The following AREL1 variants were observed in gnomAD, a reference collection of about 807,000 sequenced individuals.
The protein encoded by AREL1 is apoptosis-resistant E3 ubiquitin protein ligase 1.
In AREL1, 62 loss-of-function variants were observed where a neutral mutation model predicts 99.0. The ratio of observed to expected loss-of-function variants is 0.63; its 90% CI spans 0.51 to 0.77. The LOEUF (loss-of-function observed/expected upper bound fraction) is 0.77, where lower values mean the gene tolerates loss of function less well. Among genes scored for constraint, AREL1 ranks in the 30% least tolerant of loss-of-function variants. The pLI is 0.00. For synonymous variants in AREL1, 380 were observed against 376.5 expected, an observed-to-expected ratio of 1.01 and a Z score of -0.11; for missense variants, 879 against 1,027.6, an observed-to-expected ratio of 0.86 and a Z score of 1.98.
chr14:74,676,156 T>C lies in AREL1; in HGVS notation c.817A>G (p.Ile273Val), dbSNP rs564756614. Reference sequence around the variant, plus strand: ...TTTAACTTACCACTTAGGACAATAATGTCAAATTCACCATTATTGATTGGC... The same window carrying C: ...TTTAACTTACCACTTAGGACAATAACGTCAAATTCACCATTATTGATTGGC... ...NQPINNGEFDIIVLSEDEKNI... is the reference protein window; with the variant it reads ...NQPINNGEFDVIVLSEDEKNI... The change falls in exon 7 of 20, where the codon ATT (isoleucine) becomes GTT (valine). Residue 273 changes from isoleucine to valine, a missense_variant. By Grantham distance (29) the Ile-to-Val change is conservative. Coordinates refer to ENST00000356357, the MANE Select transcript of AREL1 (RefSeq NM_001039479.2). 94 of 1,613,630 alleles carry C rather than the reference T, an allele frequency of 5.8e-5. 1 individual carries two copies. The South Asian group carries it at 8.0e-4, about 14-fold the overall frequency.
chr14:74,694,942 T>C (rs1372514567), intron 1 of AREL1, among the ~76,000 whole-genome samples: 1 of 143,906 alleles, frequency 6.9e-6, no homozygotes, highest in Non-Finnish European at 1.5e-5. Context: ...TGAGCCAAGA[T>C]TGCGCCACTG....
Position 74,661,350 on chromosome 14 carries a change from G to T in AREL1, c.*2370C>A, listed in dbSNP as rs756478557. The T allele has an allele frequency of 7.7e-5, 35 of 456,178 alleles. No individual in the cohort carries two copies. Among genetic ancestry groups the T allele is most frequent in the Non-Finnish European group, 8.8e-6 (2 of 226,728 alleles). The allele number at this position is 456,178 out of a possible 1,614,324, so 28.3% of individuals were successfully genotyped here. A position where few individuals can be genotyped will look rare whatever the true frequency, so the allele number is the denominator to read the frequency against. ...CACCTGGCCTGACGAATCTGCAGCA[G>T]GGCTTGGTCTCTGCCAATTTTCCAG... On this transcript the variant is annotated 3_prime_UTR_variant, in exon 20 of 20. Coordinates refer to ENST00000356357, the MANE Select transcript of AREL1 (RefSeq NM_001039479.2).
At position 74,664,923 on chromosome 14, in the gene AREL1, C is replaced by G. The variant is rs769119100; in HGVS notation, c.2106G>C (p.Leu702=). ...TGATGTCTCCAGTCCCACACATCAG[C>G]AGCTGGAAAAAGATGGTAAGGTGTT... ...LAIFDENELE[L]LMCGTGDISV... The change falls in exon 18 of 20, where the codon CTG becomes CTC. Residue 702 remains leucine (L), a splice_region_variant and synonymous_variant. Transcript: ENST00000356357. 5.6e-6 allele frequency: 9 copies of G among 1,612,858 alleles called. No individual in the cohort carries two copies. The highest frequency in any genetic ancestry group is 7.6e-6 in the Non-Finnish European group (9 of 1,179,180).
intron 1 of AREL1, among the ~76,000 whole-genome samples, chr14:74,702,675 T>C (rs2090108368): frequency 6.6e-6 from 1 of 152,208 alleles, no homozygotes; most frequent in Non-Finnish European, 1.5e-5. Context: ...CCAGTTTGAA[T>C]TTCTCCTCAA....
chr14:74,661,433 A>C lies in AREL1; in HGVS notation c.*2287T>G. On this transcript the variant is annotated 3_prime_UTR_variant, in exon 20 of 20. Transcript: ENST00000356357. ...ATGTCTGGTCTCCTTCAAAGACGCT[A>C]AAAGGCCAGAAGGGTAGCTGGCCCC... The C allele has an allele frequency of 2.5e-6, 1 of 402,030 alleles. No individual in the cohort carries two copies. Among genetic ancestry groups the C allele is most frequent in the Non-Finnish European group, 5.0e-6 (1 of 200,604 alleles). The allele number at this position is 402,030 out of a possible 1,614,324, so 24.9% of individuals were successfully genotyped here. A position where few individuals can be genotyped will look rare whatever the true frequency, so the allele number is the denominator to read the frequency against.
chr14:74,705,016 G>A lies in AREL1; in HGVS notation c.-334+7917C>T, dbSNP rs546448529. 5.9e-5 allele frequency among the ~76,000 whole-genome samples: 9 copies of A among 151,420 alleles called. No homozygotes were observed. The South Asian group carries it at 1.9e-3, about 32-fold the overall frequency. Reference sequence around the variant, plus strand: ...CAAATTCAATGCTGCACATTACCATGCACTATTTAAGTTACAGTCTTCTGT... The same window carrying A: ...CAAATTCAATGCTGCACATTACCATACACTATTTAAGTTACAGTCTTCTGT... On this transcript the variant is annotated intron_variant, in intron 1 of 19. Coordinates refer to ENST00000356357, the MANE Select transcript of AREL1 (RefSeq NM_001039479.2).
chr14:74,677,804 CCTGT>C (rs1378078123), intron 5 of AREL1, among the ~76,000 whole-genome samples: 1 of 149,766 alleles, frequency 6.7e-6, no homozygotes, highest in Non-Finnish European at 1.5e-5. Context: ...CCCAGCTAAC[CCTGT>C]CTCTTTATTA....
rs745645128 is a variant in AREL1 at position 74,670,018 on chromosome 14, T to C, written c.1717A>G (p.Lys573Glu). 1 of 1,613,946 alleles carries C rather than the reference T, an allele frequency of 6.2e-7. No individual in the cohort carries two copies. Among genetic ancestry groups the C allele is most frequent in the Non-Finnish European group, 8.5e-7 (1 of 1,179,960 alleles). ...GTGAAGCGAGCTCGGACCAACTGCT[T>C]GTAGGCTCCTCCTAGAGAGGACTCA... is the stretch of plus-strand genomic sequence containing the variant. ...LYESSLGGAY[K>E]QLVRARFTRS... The change falls in exon 14 of 20, where the codon AAG becomes GAG. Residue 573 changes from lysine to glutamate, a missense_variant. Transcript: ENST00000356357.
rs2089414107 is a variant in AREL1 at position 74,673,906 on chromosome 14, C to T, written c.1158+128G>A. 5.8e-6 allele frequency: 4 copies of T among 688,620 alleles called. No individual in the cohort carries two copies. The East Asian group carries it at 1.1e-4, about 20-fold the overall frequency. The allele number at this position is 688,620 out of a possible 1,614,324, so 42.7% of individuals were successfully genotyped here. A position where few individuals can be genotyped will look rare whatever the true frequency, so the allele number is the denominator to read the frequency against. ...GAGGAGATAATGATGCTTTATTTGG[C>T]AACGAATCCTGTGTACACTGTGAGA... On this transcript the variant is annotated intron_variant, in intron 9 of 19. Coordinates refer to ENST00000356357, the MANE Select transcript of AREL1 (RefSeq NM_001039479.2).
chr14:74,670,023 G>A lies in AREL1; in HGVS notation c.1712C>T (p.Ala571Val), dbSNP rs769634579. Residue 571 changes from alanine (A) to valine (V), a missense_variant, in exon 14 of 20, where the codon GCC becomes GTC. Physicochemically the swap from Ala to Val is moderately conservative, Grantham distance 64. Coordinates refer to ENST00000356357, the MANE Select transcript of AREL1 (RefSeq NM_001039479.2). The part of the protein sequence containing the change: ...KCLYESSLGG[A>V]YKQLVRARFT... ...GCGAGCTCGGACCAACTGCTTGTAG[G>A]CTCCTCCTAGAGAGGACTCATAGAG... 8 of 1,613,962 alleles carry A rather than the reference G, an allele frequency of 5.0e-6. No homozygotes were observed. The African/African-American group carries it at 1.1e-4, about 22-fold the overall frequency.
chr14:74,695,029 A>G lies in AREL1; in HGVS notation c.-333-2701T>C, dbSNP rs200860271. Among the ~76,000 whole-genome samples the G allele has an allele frequency of 8.0e-4, 120 of 150,372 alleles. No homozygotes were observed. The East Asian group carries it at 0.013, about 17-fold the overall frequency. On this transcript the variant is annotated intron_variant, in intron 1 of 19. Coordinates refer to ENST00000356357, the MANE Select transcript of AREL1 (RefSeq NM_001039479.2). Reference sequence around the variant, plus strand: ...AAAAAAGAAAGAAAGAAAATGGTATAAAGAAATTAAGATAACAGATTATAC... The same window carrying G: ...AAAAAAGAAAGAAAGAAAATGGTATGAAGAAATTAAGATAACAGATTATAC...
intron 13 of AREL1, 55 bp from the exon 14 acceptor site, chr14:74,670,181 T>C (rs2089303263): frequency 6.6e-7 from 1 of 1,507,890 alleles, no homozygotes; most frequent in Non-Finnish European, 8.9e-7. Context: ...AGCCCAGTTC[T>C]GGAAGGACCC....
At chr14:74,685,537 G>A in intron 3 of AREL1, 63 bp downstream of exon 3, 1 of 1,588,680 alleles carries the variant, frequency 6.3e-7, no homozygotes, top group Non-Finnish European at 8.6e-7. Context: ...TAGGCAGAAA[G>A]GCAAAAAGGA....
Position 74,676,684 on chromosome 14 carries a change from G to A in AREL1, c.550C>T (p.Pro184Ser), listed in dbSNP as rs1337028461. ...FSTLVLTCGQ[P>S]HTLQIVPRDE... Reference sequence around the variant, plus strand: ...CGGGGTACTATTTGAAGGGTGTGCGGCTGCCCACAGGTCAATACAAGAGTA... The same window carrying A: ...CGGGGTACTATTTGAAGGGTGTGCGACTGCCCACAGGTCAATACAAGAGTA... The change falls in exon 6 of 20, where the codon CCG becomes TCG. Residue 184 changes from proline (P) to serine (S), a missense_variant. Physicochemically the swap from Pro to Ser is moderately conservative, Grantham distance 74. Transcript: ENST00000356357. 6 of 1,614,168 alleles carry A rather than the reference G, an allele frequency of 3.7e-6. No individual in the cohort carries two copies. The highest frequency in any genetic ancestry group is 5.1e-6 in the Non-Finnish European group (6 of 1,180,006).
intron 4 of AREL1, among the ~76,000 whole-genome samples, chr14:74,684,129 G>A (rs1365942523): frequency 6.6e-6 from 1 of 152,202 alleles, no homozygotes; most frequent in Non-Finnish European, 1.5e-5. Flanking sequence ...ATGAATGGGT[G>A]TGGCTGTGTT....
At chr14:74,677,500 CTTTTTTTTT>C (rs58383006) in intron 5 of AREL1, among the ~76,000 whole-genome samples, 1,338 of 63,254 alleles carry the variant, frequency 0.021, 36 homozygotes, top group African/African-American at 0.073. Context: ...TGTCTCTCTC[CTTTTTTTTT>C]TTTTTTTTTT....
rs770401840 is a variant in AREL1, at chr14:74,664,911, C to T, written c.2118G>A (p.Gly706=). Residue 706 remains glycine, a synonymous_variant, in exon 18 of 20, where the codon GGG becomes GGA. Transcript: ENST00000356357. ...DENELELLMC[G]TGDISVSDFK... is the part of the protein sequence containing the mutation. Reference sequence around the variant, plus strand: ...AGTCAGACACACTGATGTCTCCAGTCCCACACATCAGCAGCTGGAAAAAGA... The same window carrying T: ...AGTCAGACACACTGATGTCTCCAGTTCCACACATCAGCAGCTGGAAAAAGA... 1.2e-6 allele frequency: 2 copies of T among 1,613,412 alleles called. No homozygotes were observed. The highest frequency in any genetic ancestry group is 1.7e-6 in the Non-Finnish European group (2 of 1,179,598).
Position 74,669,539 on chromosome 14 carries a change from G to A in AREL1, c.1914+110C>T, listed in dbSNP as rs537829132. The stretch of plus-strand genomic sequence containing the variant: ...TCACCCACATTTTGGGTGTTTAATA[G>A]ACAACACAAATATGGAACATTTCCA... On this transcript the variant is annotated intron_variant, in intron 15 of 19. Coordinates refer to ENST00000356357, the MANE Select transcript of AREL1 (RefSeq NM_001039479.2). 61 of 1,399,014 alleles carry A rather than the reference G, an allele frequency of 4.4e-5. No homozygotes were observed. The South Asian group carries it at 7.8e-4, about 18-fold the overall frequency. 86.7% of individuals were successfully genotyped at this position (1,399,014 alleles called of 1,614,324 possible).
chr14:74,711,326 G>A (rs1243707356), intron 1 of AREL1, among the ~76,000 whole-genome samples: 1 of 151,768 alleles, frequency 6.6e-6, no homozygotes, highest in African/African-American at 2.4e-5. Flanking sequence ...GATCACCTGA[G>A]GTCAGGAGTT....
Sources: gnomAD v4.1 joint callset for allele counts (sites outside exome capture counted in the v4.1 genomes callset) on GRCh38, gnomAD v4.1.1 for gene constraint, MANE v1.5 for transcripts, NCBI Gene and HGNC (gene_info 2026-07-23, HGNC 2026-07-21) for gene names.